SLC2A13: variants seen among roughly 807,000 people sequenced by gnomAD.
The protein encoded by SLC2A13 is solute carrier family 2 member 13.
Under a neutral mutation model 64.4 loss-of-function variants are expected in SLC2A13, and 32 were observed. That is an observed-to-expected ratio of 0.50 (90% confidence interval 0.37 to 0.67). The LOEUF is 0.67. Among genes scored for constraint, SLC2A13 ranks in the 30% least tolerant of loss-of-function variants. SLC2A13 has a pLI of 0.00. For synonymous variants in SLC2A13, 338 were observed against 327.1 expected (o/e 1.03, Z -0.36); for missense variants, 743 against 829.2 (o/e 0.90, Z 1.28).
At chr12:39,852,973 T>C (rs937058101) in intron 6 of SLC2A13, among the ~76,000 whole-genome samples, 1 of 152,222 alleles carries the variant, frequency 6.6e-6, no homozygotes, top group Non-Finnish European at 1.5e-5. Context: ...CTGTAACCAA[T>C]GCTCTTGAGT....
intron 6 of SLC2A13, among the ~76,000 whole-genome samples, chr12:39,861,636 T>C (rs2135919359): frequency 6.6e-6 from 1 of 152,256 alleles, no homozygotes; most frequent in South Asian, 2.1e-4. Flanking sequence ...TTTGAGAGTG[T>C]GGAACTGAAG....
intron 7 of SLC2A13, among the ~76,000 whole-genome samples, chr12:39,817,631 T>C (rs1340381793): frequency 6.6e-6 from 1 of 152,222 alleles, no homozygotes; most frequent in Non-Finnish European, 1.5e-5. Context: ...AAAAGTTAGC[T>C]GTACACAGTA....
At chr12:40,016,748 T>C (rs1327001579) in intron 3 of SLC2A13, among the ~76,000 whole-genome samples, 2 of 152,236 alleles carry the variant, frequency 1.3e-5, no homozygotes, top group Admixed American at 1.3e-4. Context: ...AACAAGGATC[T>C]CCTTCAAAAT....
chr12:39,839,316 T>C (rs1311027077), intron 6 of SLC2A13, among the ~76,000 whole-genome samples: 2 of 152,048 alleles, frequency 1.3e-5, no homozygotes, highest in African/African-American at 4.8e-5. Context: ...TAGATGTCGG[T>C]TGATTTCCTC....
chr12:40,101,534 G>A (rs1276864459), intron 1 of SLC2A13, among the ~76,000 whole-genome samples: 1 of 152,162 alleles, frequency 6.6e-6, no homozygotes, highest in African/African-American at 2.4e-5. Flanking sequence ...ACTTAAGAAA[G>A]AAGGTAAAAG....
intron 7 of SLC2A13, among the ~76,000 whole-genome samples, chr12:39,800,110 T>G (rs1212754628): frequency 6.6e-6 from 1 of 152,184 alleles, no homozygotes; most frequent in African/African-American, 2.4e-5. Flanking sequence ...CAATAAAAAA[T>G]CAGGGCAACT....
At chr12:40,012,760 G>C (rs1323491824) in intron 3 of SLC2A13, among the ~76,000 whole-genome samples, 1 of 152,104 alleles carries the variant, frequency 6.6e-6, no homozygotes, top group African/African-American at 2.4e-5. Flanking sequence ...TATTATATTG[G>C]TTCAGTAATG....
At chr12:40,103,814 A>C (rs1454395960) in intron 1 of SLC2A13, among the ~76,000 whole-genome samples, 1 of 152,244 alleles carries the variant, frequency 6.6e-6, no homozygotes, top group East Asian at 1.9e-4. Context: ...AAGGGTCCTG[A>C]AGGCCCAAGT....
At chr12:40,046,661 T>G (rs1043150013) in intron 2 of SLC2A13, among the ~76,000 whole-genome samples, 1 of 151,900 alleles carries the variant, frequency 6.6e-6, no homozygotes. Flanking sequence ...AGAAAGAAAC[T>G]TCCTGCTTCA....
intron 3 of SLC2A13, among the ~76,000 whole-genome samples, chr12:39,980,425 A>G (rs1591975002): frequency 6.6e-6 from 1 of 151,508 alleles, no homozygotes. Context: ...TATTCAGGAA[A>G]CCCATCTCAT....
chr12:39,821,151 C>T lies in SLC2A13; in HGVS notation c.1445+8952G>A, dbSNP rs532527156. Among the ~76,000 whole-genome samples, 13 of 152,224 alleles carry T rather than the reference C, an allele frequency of 8.5e-5. No homozygotes were observed. In the South Asian group the frequency reaches 2.3e-3, roughly 27 times the overall value. On this transcript the variant is annotated intron_variant, in intron 7 of 9. Transcript: ENST00000280871. The stretch of plus-strand genomic sequence containing the variant: ...AAAAAAAATTTTTCGCAGTGGCTCA[C>T]GCCTGTAATCCCAGCACTTTCGGAG...
intron 4 of SLC2A13, among the ~76,000 whole-genome samples, chr12:39,946,095 T>A (rs917365528): frequency 1.5e-4 from 23 of 152,212 alleles, no homozygotes; most frequent in Non-Finnish European, 2.8e-4. Context: ...TGTGGCTTCC[T>A]ATGAGCTGAA....
chr12:39,808,289 C>A (rs866216503), intron 7 of SLC2A13, among the ~76,000 whole-genome samples: 1 of 152,134 alleles, frequency 6.6e-6, no homozygotes, highest in African/African-American at 2.4e-5. Context: ...TAATTCCTTC[C>A]ATCTATCTGG....
chr12:40,062,519 TAGA>T (rs1948439194), intron 1 of SLC2A13, among the ~76,000 whole-genome samples: 2 of 151,924 alleles, frequency 1.3e-5, no homozygotes, highest in Non-Finnish European at 2.9e-5. Context: ...CAGGAAAAAA[TAGA>T]AGAAGACGTT....
intron 4 of SLC2A13, among the ~76,000 whole-genome samples, chr12:39,904,556 T>A (rs776078097): frequency 3.9e-5 from 6 of 152,108 alleles, no homozygotes; most frequent in Non-Finnish European, 8.8e-5. Flanking sequence ...CAACTGCCAC[T>A]TGCCACCTTC....
At chr12:39,879,306 G>GAGAAATGGGCCACC (rs2135955033) in intron 4 of SLC2A13, among the ~76,000 whole-genome samples, 1 of 152,320 alleles carries the variant, frequency 6.6e-6, no homozygotes, top group East Asian at 1.9e-4. Flanking sequence ...GTGGAGCTGT[G>GAGAAATGGGCCACC]AGAAATGGGC....
chr12:39,958,214 C>A (rs1315581915), intron 3 of SLC2A13, among the ~76,000 whole-genome samples: 1 of 152,152 alleles, frequency 6.6e-6, no homozygotes, highest in Non-Finnish European at 1.5e-5. Context: ...TTCCACAAAA[C>A]ATTGGAAAGA....
intron 4 of SLC2A13, among the ~76,000 whole-genome samples, chr12:39,930,481 A>C (rs1264138769): frequency 1.3e-5 from 2 of 152,218 alleles, no homozygotes; most frequent in African/African-American, 4.8e-5. Context: ...GTGGGGGAGC[A>C]GTGTTGGAAG....
chr12:39,830,253 C>A, intron 6 of SLC2A13, 25 bp from the exon 7 acceptor site: 1 of 1,606,552 alleles, frequency 6.2e-7, no homozygotes, highest in Non-Finnish European at 8.5e-7. Context: ...GAGTTACCGT[C>A]ATGTTGGCAG....
Sources: allele counts gnomAD v4.1 joint callset (sites outside exome capture counted in the v4.1 genomes callset), GRCh38; gene constraint gnomAD v4.1.1; transcripts MANE v1.5; gene names NCBI Gene and HGNC (gene_info 2026-07-23, HGNC 2026-07-21).